NR5A2: variants seen among roughly 807,000 people sequenced by gnomAD.
The protein encoded by NR5A2 is nuclear receptor subfamily 5 group A member 2.
In NR5A2, 26 loss-of-function variants were observed where a neutral mutation model predicts 62.7. The ratio of observed to expected loss-of-function variants is 0.41; its 90% confidence interval spans 0.30 to 0.58. The LOEUF (loss-of-function observed/expected upper bound fraction) is 0.58, where lower values mean the gene tolerates loss of function less well. Ranked by LOEUF, NR5A2 falls within the 20% of genes least tolerant of loss-of-function variation. NR5A2 has a pLI of 0.22. For synonymous variants in NR5A2, 246 were observed against 241.7 expected, an observed-to-expected ratio of 1.02 and a Z score of -0.16; for missense variants, 541 against 669.1, an observed-to-expected ratio of 0.81 and a Z score of 2.11.
intron 7 of NR5A2, among the ~76,000 whole-genome samples, chr1:200,129,945 C>T (rs962647426): frequency 1.3e-5 from 2 of 152,162 alleles, no homozygotes; most frequent in Non-Finnish European, 2.9e-5. Context: ...GCTCCCTTCC[C>T]TCAGCACTTC....
intron 5 of NR5A2, chr1:200,057,889 C>T (rs1482972172): frequency 6.5e-6 from 1 of 154,262 alleles, no homozygotes. Context: ...CCTCCACCTC[C>T]TGGGTTCCAG....
At chr1:200,062,227 T>TTGTGTGTGTGTGTATGTG in intron 5 of NR5A2, among the ~76,000 whole-genome samples, 1 of 145,756 alleles carries the variant, frequency 6.9e-6, no homozygotes, top group African/African-American at 2.5e-5. Flanking sequence ...CTGGCAGATT[T>TTGTGTGTGTGTGTATGTG]TGTGTGTGTG....
chr1:200,103,504 A>G (rs1037630285), intron 5 of NR5A2, among the ~76,000 whole-genome samples: 21 of 152,228 alleles, frequency 1.4e-4, no homozygotes, highest in African/African-American at 5.1e-4. Context: ...AGTCATAAGA[A>G]AGATGCCTAC....
At chr1:200,059,532 G>A (rs1663090561) in intron 5 of NR5A2, among the ~76,000 whole-genome samples, 1 of 152,132 alleles carries the variant, frequency 6.6e-6, no homozygotes, top group Non-Finnish European at 1.5e-5. Context: ...GGCTGCCAGT[G>A]TTACTTCCTC....
intron 7 of NR5A2, among the ~76,000 whole-genome samples, chr1:200,141,353 A>G (rs1001601991): frequency 1.3e-5 from 2 of 151,994 alleles, no homozygotes; most frequent in African/African-American, 4.8e-5. Context: ...AGAATGTTAT[A>G]TAAGTATATA....
intron 5 of NR5A2, among the ~76,000 whole-genome samples, chr1:200,110,777 G>C (rs1183292965): frequency 6.6e-6 from 1 of 152,090 alleles, no homozygotes; most frequent in African/African-American, 2.4e-5. Context: ...TAATATCTGT[G>C]TACTATTTCA....
rs1490926111 is a variant in NR5A2 at position 200,062,257 on chromosome 1, G to GTGTGTGTGTGTGTGTGTGTGTA, written c.1110+13440_1110+13441insGTGTGTGTGTGTGTGTGTGTAT. ...TGTGTGTGTGTGTGTGTGTGTGTGT[G>GTGTGTGTGTGTGTGTGTGTGTA]TATCTGTGTCCATGTGTGTATCGCA... On this transcript the variant is annotated intron_variant, in intron 5 of 7. Transcript: ENST00000367362. 1.2e-3 allele frequency among the ~76,000 whole-genome samples: 184 copies of GTGTGTGTGTGTGTGTGTGTGTA among 151,592 alleles called. 3 individuals carry two copies. The highest frequency in any genetic ancestry group is 9.8e-3 in the East Asian group (50 of 5,092).
At chr1:200,053,569 G>GCGCACACA (rs374944913) in intron 5 of NR5A2, among the ~76,000 whole-genome samples, 4,540 of 142,066 alleles carry the variant, frequency 0.032, 115 homozygotes, top group Middle Eastern at 0.081. Context: ...GCATGCACAC[G>GCGCACACA]CACACACACA....
chr1:200,039,543 C>T lies in NR5A2; in HGVS notation c.65-115C>T, dbSNP rs776398454. ...GACAGGGCTCAGAGGTCCTGCCCGG[C>T]AGCCCCGAGGAGGCGGAGGCACGCT... On this transcript the variant is annotated intron_variant, in intron 1 of 7. Transcript: ENST00000367362. This position sits in a 1 kb window ranked among gnomAD's most constrained non-coding sequence, Gnocchi z 5.1. 1 of 1,480,736 alleles carries T rather than the reference C, an allele frequency of 6.8e-7. No individual in the cohort carries two copies. Among genetic ancestry groups the T allele is most frequent in the Non-Finnish European group, 9.2e-7 (1 of 1,081,226 alleles). The allele number at this position is 1,480,736 out of a possible 1,614,324, so 91.7% of individuals were successfully genotyped here. A position where few individuals can be genotyped will look rare whatever the true frequency, so the allele number is the denominator to read the frequency against.
intron 7 of NR5A2, among the ~76,000 whole-genome samples, chr1:200,161,603 G>T (rs2816962): frequency 0.99 from 151,046 of 152,324 alleles, 74,890 homozygotes; most frequent in East Asian, 1. Flanking sequence ...ATATCAAATG[G>T]TTTTCCTTCT....
intron 5 of NR5A2, among the ~76,000 whole-genome samples, chr1:200,095,557 T>C (rs976438631): frequency 4.6e-5 from 7 of 151,940 alleles, no homozygotes; most frequent in Admixed American, 2.0e-4. Context: ...CACCAAGTAA[T>C]ATATTTTTTT....
At chr1:200,105,685 G>C (rs1665616177) in intron 5 of NR5A2, among the ~76,000 whole-genome samples, 1 of 152,234 alleles carries the variant, frequency 6.6e-6, no homozygotes, top group African/African-American at 2.4e-5. Flanking sequence ...GGCTCCGGGG[G>C]TCATACCCAT....
chr1:200,169,646 T>A (rs7556049), intron 7 of NR5A2, among the ~76,000 whole-genome samples: 7 of 152,096 alleles, frequency 4.6e-5, no homozygotes, highest in Non-Finnish European at 1.0e-4. Context: ...TATAAAAAGT[T>A]GGTAATTAGT....
chr1:200,170,202 T>C (rs1206125044), intron 7 of NR5A2, among the ~76,000 whole-genome samples: 1 of 152,126 alleles, frequency 6.6e-6, no homozygotes, highest in Non-Finnish European at 1.5e-5. Flanking sequence ...CTACTATCCA[T>C]TACTTAATAT....
intron 5 of NR5A2, among the ~76,000 whole-genome samples, chr1:200,063,664 C>T (rs1481649883): frequency 6.6e-6 from 1 of 152,174 alleles, no homozygotes; most frequent in East Asian, 1.9e-4. Context: ...ATTACACCTG[C>T]ATTTTACTGG....
chr1:200,033,652 ACT>A (rs1661631213), intron 1 of NR5A2, among the ~76,000 whole-genome samples: 1 of 151,928 alleles, frequency 6.6e-6, no homozygotes, highest in African/African-American at 2.4e-5. Context: ...CAGACAAGAA[ACT>A]CTGGAGAAAA....
chr1:200,169,599 G>A (rs1017889561), intron 7 of NR5A2, among the ~76,000 whole-genome samples: 1 of 152,186 alleles, frequency 6.6e-6, no homozygotes, highest in Non-Finnish European at 1.5e-5. Flanking sequence ...GAAAAAATCT[G>A]AGCACCCCAC....
Position 200,039,430 on chromosome 1 carries a change from G to A in NR5A2, c.65-228G>A, listed in dbSNP as rs912230260. ...CCTGCGCCCTTGCGGAGCCGAACCA[G>A]AGGGCCGGGACGCTGTCTTCCTCGC... On this transcript the variant is annotated intron_variant, in intron 1 of 7. Transcript: ENST00000367362. This position sits in a 1 kb window ranked among gnomAD's most constrained non-coding sequence, Gnocchi z 5.1. 6.6e-6 allele frequency among the ~76,000 whole-genome samples: 1 copy of A among 152,094 alleles called. No homozygotes were observed. The highest frequency in any genetic ancestry group is 2.4e-5 in the African/African-American group (1 of 41,440).
At chr1:200,115,721 A>G (rs1158517972) in intron 6 of NR5A2, among the ~76,000 whole-genome samples, 2 of 152,104 alleles carry the variant, frequency 1.3e-5, no homozygotes, top group Admixed American at 6.6e-5. Flanking sequence ...CCCATTACAC[A>G]GGGTCAGAGA....
Sources: gnomAD v4.1 joint callset for allele counts (sites outside exome capture counted in the v4.1 genomes callset) on GRCh38, gnomAD v4.1.1 for gene constraint, Gnocchi (gnomAD v3.1) non-coding constraint, MANE v1.5 for transcripts, NCBI Gene and HGNC (gene_info 2026-07-23, HGNC 2026-07-21) for gene names.